The following DCC variants were observed in gnomAD, a reference collection of about 807,000 sequenced individuals.
The protein encoded by DCC is netrin receptor DCC.
Under a neutral mutation model 172.5 loss-of-function variants are expected in DCC, and 58 were observed. That is an observed-to-expected ratio of 0.34 (90% CI 0.27 to 0.42). The LOEUF (loss-of-function observed/expected upper bound fraction) is 0.42, where lower values mean the gene tolerates loss of function less well. DCC is among the 10% of genes least tolerant of loss of function. The pLI, the probability that DCC is intolerant of heterozygous loss-of-function variation, is 1.00. For missense variants in DCC, 1,740 were observed against 1,791.0 expected (o/e 0.97, Z 0.51); for synonymous variants, 709 against 644.5 (o/e 1.10, Z -1.52).
intron 2 of DCC, among the ~76,000 whole-genome samples, chr18:52,857,512 T>C (rs60842805): frequency 0.096 from 14,679 of 152,186 alleles, 1,074 homozygotes; most frequent in East Asian, 0.21. Flanking sequence ...TTGGAGAGAT[T>C]AGAAAACTAT....
intron 5 of DCC, among the ~76,000 whole-genome samples, chr18:52,962,497 A>C (rs1037129538): frequency 7.9e-5 from 12 of 151,804 alleles, no homozygotes. Context: ...ACACTTTTAC[A>C]CTGTTGGTGG....
intron 1 of DCC, among the ~76,000 whole-genome samples, chr18:52,662,691 A>C (rs1353498888): frequency 2.0e-5 from 3 of 152,216 alleles, no homozygotes; most frequent in Non-Finnish European, 4.4e-5. Flanking sequence ...GTAAGGAGAA[A>C]GAAAAGAAAG....
intron 12 of DCC, among the ~76,000 whole-genome samples, chr18:53,249,081 C>A (rs2056398571): frequency 6.6e-6 from 1 of 151,966 alleles, no homozygotes; most frequent in Admixed American, 6.6e-5. Context: ...AATTTTACTG[C>A]TTTCCTGCTG....
intron 1 of DCC, among the ~76,000 whole-genome samples, chr18:52,606,802 A>C (rs1434303547): frequency 6.6e-6 from 1 of 152,144 alleles, no homozygotes; most frequent in Non-Finnish European, 1.5e-5. Flanking sequence ...AGAGCAAATT[A>C]AGTAAGTATA....
chr18:53,092,248 T>C (rs2144185462), intron 7 of DCC, among the ~76,000 whole-genome samples: 1 of 152,276 alleles, frequency 6.6e-6, no homozygotes, highest in East Asian at 1.9e-4. Flanking sequence ...TTTAGTGTGC[T>C]CTGAGATCTG....
At chr18:53,046,732 A>T (rs2042244027) in intron 5 of DCC, among the ~76,000 whole-genome samples, 1 of 151,990 alleles carries the variant, frequency 6.6e-6, no homozygotes, top group Admixed American at 6.6e-5. Context: ...AACTGAAGTC[A>T]AGAAAAGTTC....
intron 7 of DCC, among the ~76,000 whole-genome samples, chr18:53,141,114 G>A (rs2043824057): frequency 6.6e-6 from 1 of 152,050 alleles, no homozygotes; most frequent in African/African-American, 2.4e-5. Context: ...TTATGTCAGA[G>A]AAAAATCTAC....
At chr18:52,627,537 C>T (rs1448578923) in intron 1 of DCC, among the ~76,000 whole-genome samples, 1 of 152,194 alleles carries the variant, frequency 6.6e-6, no homozygotes, top group Non-Finnish European at 1.5e-5. Flanking sequence ...GAGGAAGCAA[C>T]TAAAATTATT....
intron 1 of DCC, among the ~76,000 whole-genome samples, chr18:52,389,991 T>C (rs901990032): frequency 6.6e-6 from 1 of 152,016 alleles, no homozygotes; most frequent in Non-Finnish European, 1.5e-5. Flanking sequence ...ATAGAGAGAC[T>C]GAGACTTACA....
rs2046529672 is a variant in DCC, at chr18:53,531,963, C to T, written c.*1310C>T. ...AAACTTCTATTGCCATGTTTATCTA[C>T]AGCTTGGAACTAGCTAAAATTAAGA... On this transcript the variant is annotated 3_prime_UTR_variant, in exon 29 of 29. Coordinates refer to ENST00000442544, the MANE Select transcript of DCC (RefSeq NM_005215.4). 1 of 152,214 alleles carries T rather than the reference C, an allele frequency of 6.6e-6. No individual in the cohort carries two copies. 9.4% of individuals were successfully genotyped at this position (152,214 alleles called of 1,614,324 possible). A position where few individuals can be genotyped will look rare whatever the true frequency, so the allele number is the denominator to read the frequency against.
chr18:52,894,442 GTATT>G (rs2039698902), intron 2 of DCC, among the ~76,000 whole-genome samples: 2 of 149,980 alleles, frequency 1.3e-5, no homozygotes, highest in Non-Finnish European at 3.0e-5. Context: ...ATATAAGTAT[GTATT>G]TATATTATTT....
At chr18:53,424,381 G>A (rs138032481) in intron 21 of DCC, among the ~76,000 whole-genome samples, 2 of 152,252 alleles carry the variant, frequency 1.3e-5, no homozygotes, top group South Asian at 2.1e-4. Flanking sequence ...AGAAGGAAAT[G>A]GTCCTGGCAA....
chr18:53,164,178 T>C (rs748205501), intron 8 of DCC, among the ~76,000 whole-genome samples: 1 of 152,342 alleles, frequency 6.6e-6, no homozygotes, highest in Middle Eastern at 3.4e-3. Flanking sequence ...AATAATTTTT[T>C]GACTTAATGG....
intron 1 of DCC, among the ~76,000 whole-genome samples, chr18:52,606,997 T>G (rs2034145849): frequency 1.3e-5 from 2 of 152,164 alleles, no homozygotes; most frequent in African/African-American, 4.8e-5. Flanking sequence ...TCTATACATT[T>G]TCACGCATGT....
chr18:53,260,111 T>G (rs2056576667), intron 12 of DCC, among the ~76,000 whole-genome samples: 1 of 152,198 alleles, frequency 6.6e-6, no homozygotes, highest in East Asian at 1.9e-4. Context: ...TGTCTAATTT[T>G]TTTTCAAGGT....
chr18:52,982,396 C>A (rs936588071), intron 5 of DCC, among the ~76,000 whole-genome samples: 2 of 152,148 alleles, frequency 1.3e-5, no homozygotes, highest in African/African-American at 4.8e-5. Context: ...AGGCCTGCTT[C>A]TCCCACAGGA....
intron 2 of DCC, among the ~76,000 whole-genome samples, chr18:52,902,500 A>T (rs1483028274): frequency 6.6e-6 from 1 of 152,204 alleles, no homozygotes; most frequent in Non-Finnish European, 1.5e-5. Flanking sequence ...AGTGAAAATT[A>T]TACCTGTATC....
chr18:53,526,844 C>A, intron 28 of DCC, 85 bp downstream of exon 28: 2 of 1,438,166 alleles, frequency 1.4e-6, no homozygotes, highest in South Asian at 1.2e-5. Context: ...TGAGTACTGT[C>A]CATTCACCCC....
chr18:53,358,035 A>G (rs1014081290), intron 15 of DCC, among the ~76,000 whole-genome samples: 4 of 152,172 alleles, frequency 2.6e-5, no homozygotes, highest in Non-Finnish European at 5.9e-5. Context: ...TTTTATCTCA[A>G]ATTTGATTGT....
Sources: allele counts gnomAD v4.1 joint callset (sites outside exome capture counted in the v4.1 genomes callset), GRCh38; gene constraint gnomAD v4.1.1; transcripts MANE v1.5; gene names NCBI Gene and HGNC (gene_info 2026-07-23, HGNC 2026-07-21).